GTSE1: variants seen among roughly 807,000 people sequenced by gnomAD.
The protein encoded by GTSE1 is G2 and S-phase expressed 1, also known as G2 and S phase-expressed protein 1.
Under a neutral mutation model 60.5 loss-of-function variants are expected in GTSE1, and 52 were observed. The observed-to-expected ratio is 0.86, with a 90% CI of 0.69 to 1.08. GTSE1 has a LOEUF of 1.08. GTSE1 is among the 50% of genes least tolerant of loss of function. GTSE1 has a pLI of 0.00. For synonymous variants in GTSE1, 368 were observed against 386.5 expected (o/e 0.95, Z 0.56); for missense variants, 937 against 961.8 (o/e 0.97, Z 0.34).
intron 2 of GTSE1, among the ~76,000 whole-genome samples, chr22:46,305,851 G>A (rs1051869882): frequency 6.6e-6 from 1 of 151,784 alleles, no homozygotes; most frequent in African/African-American, 2.4e-5. Flanking sequence ...AGGTTGCAGT[G>A]AGCCAAGATC....
chr22:46,329,150 G>T lies in GTSE1; in HGVS notation c.1927-208G>T. On this transcript the variant is annotated intron_variant, in intron 10 of 11. Transcript: ENST00000454366. The surrounding 1 kb of genome is among the most constrained non-coding windows in gnomAD (Gnocchi z 6.4). ...AGCAGGGTGGCAGGAGCTGGTGGCT[G>T]CTGGTGAGCGGGTATGGACAGGGAG... The T allele has an allele frequency of 1.6e-6, 1 of 634,164 alleles. No homozygotes were observed. Among genetic ancestry groups the T allele is most frequent in the African/African-American group, 1.8e-5 (1 of 54,790 alleles). 39.3% of individuals were successfully genotyped at this position (634,164 alleles called of 1,614,324 possible).
In GTSE1 at chr22:46,316,545, G is replaced by A. The variant is rs1024602262; in HGVS notation, c.1432+133G>A. ...CCAACAGTGCTTTCAGGTGTGACCCGCTGTCTTCTCGCCCACGTTGTTTTG... is the reference window on the plus strand; with the variant it reads ...CCAACAGTGCTTTCAGGTGTGACCCACTGTCTTCTCGCCCACGTTGTTTTG... On this transcript the variant is annotated intron_variant, in intron 7 of 11. Transcript: ENST00000454366. This position sits in a 1 kb window ranked among gnomAD's most constrained non-coding sequence, Gnocchi z 5.0. 3.6e-5 allele frequency: 25 copies of A among 690,516 alleles called. 2 individuals carry two copies. Among genetic ancestry groups the A allele is most frequent in the African/African-American group, 1.4e-4 (8 of 55,220 alleles). The allele number at this position is 690,516 out of a possible 1,614,324, so 42.8% of individuals were successfully genotyped here.
In GTSE1 at chr22:46,308,793, G is replaced by A. The variant is rs116016223; in HGVS notation, c.612G>A (p.Gly204=). The change falls in exon 4 of 12, where the codon GGG becomes GGA. Residue 204 remains glycine, a synonymous_variant. Transcript: ENST00000454366. ...GAQARLTRAP[G]PPHSAHALPR... is the part of the protein sequence containing the mutation. ...AGGCCCGCCTCACCCGGGCGCCGGG[G>A]CCTCCGCACTCTGCTCATGCTTTGC... 462 of 1,613,228 alleles carry A rather than the reference G, an allele frequency of 2.9e-4. No homozygotes were observed. The African/African-American group carries it at 5.5e-3, about 19-fold the overall frequency.
At position 46,308,592 on chromosome 22, in the gene GTSE1, C is replaced by G. The variant is rs2077729494; in HGVS notation, c.411C>G (p.Phe137Leu). ...CTCGGAGCCAGGGCGTGGAAAGATTCATACAGGAGTCAAAATTAAAAATAA... is the reference window on the plus strand; with the variant it reads ...CTCGGAGCCAGGGCGTGGAAAGATTGATACAGGAGTCAAAATTAAAAATAA... ...EDPRSQGVER[F>L]IQESKLKINL... The change falls in exon 4 of 12, where the codon TTC becomes TTG. Residue 137 changes from phenylalanine to leucine, a missense_variant. Physicochemically the swap from Phe to Leu is conservative, Grantham distance 22. Transcript: ENST00000454366. 4 of 1,614,144 alleles carry G rather than the reference C, an allele frequency of 2.5e-6. No homozygotes were observed. Among genetic ancestry groups the G allele is most frequent in the Non-Finnish European group, 2.5e-6 (3 of 1,180,002 alleles).
Position 46,310,686 on chromosome 22 carries a change from T to A in GTSE1, c.763-1455T>A, listed in dbSNP as rs2077743130. On this transcript the variant is annotated intron_variant, in intron 4 of 11. Coordinates refer to ENST00000454366, the MANE Select transcript of GTSE1 (RefSeq NM_016426.7). This position sits in a 1 kb window ranked among gnomAD's most constrained non-coding sequence, Gnocchi z 4.4. ...GCTCACACCTGTGATCACAGCACTT[T>A]GGGAAGCCAAGGTGGGCGAATCACC... Among the ~76,000 whole-genome samples, 1 of 152,214 alleles carries A rather than the reference T, an allele frequency of 6.6e-6. No individual in the cohort carries two copies. The highest frequency in any genetic ancestry group is 2.4e-5 in the African/African-American group (1 of 41,456).
Position 46,314,650 on chromosome 22 carries a change from T to G in GTSE1, c.1051+637T>G, listed in dbSNP as rs1363915171. Among the ~76,000 whole-genome samples the G allele has an allele frequency of 6.6e-6, 1 of 151,988 alleles. No homozygotes were observed. Among genetic ancestry groups the G allele is most frequent in the Admixed American group, 6.6e-5 (1 of 15,260 alleles). On this transcript the variant is annotated intron_variant, in intron 6 of 11. Coordinates refer to ENST00000454366, the MANE Select transcript of GTSE1 (RefSeq NM_016426.7). The surrounding 1 kb of genome is among the most constrained non-coding windows in gnomAD (Gnocchi z 7.1). ...CAGCACTTTGGCAGGCCAAGATGGG[T>G]GGATCGCTTGACCCCTGGAGTTTGA...
Position 46,326,444 on chromosome 22 carries a change from T to C in GTSE1, c.1514T>C (p.Val505Ala), listed in dbSNP as rs2077844222. ...GATGTTGTGTTTGCCAGGGTCACTGTCCACAGCACCCCGGTTAGACGCTCA... is the reference window on the plus strand; with the variant it reads ...GATGTTGTGTTTGCCAGGGTCACTGCCCACAGCACCCCGGTTAGACGCTCA... Reference protein sequence around the residue: ...QSCTSVGRVTVHSTPVRRSSG... With the variant: ...QSCTSVGRVTAHSTPVRRSSG... The change falls in exon 9 of 12, where the codon GTC becomes GCC. Residue 505 changes from valine to alanine, a missense_variant. Transcript: ENST00000454366. 1.2e-6 allele frequency: 2 copies of C among 1,604,208 alleles called. No individual in the cohort carries two copies. Among genetic ancestry groups the C allele is most frequent in the South Asian group, 1.1e-5 (1 of 90,326 alleles).
rs200240747 is a variant in GTSE1, at chr22:46,308,476, G to A, written c.295G>A (p.Val99Met). 197 of 1,614,064 alleles carry A rather than the reference G, an allele frequency of 1.2e-4. No homozygotes were observed. Among genetic ancestry groups the A allele is most frequent in the Middle Eastern group, 1.6e-4 (1 of 6,084 alleles). Reference sequence around the variant, plus strand: ...GAGCCCTCTGGCCGGGGAGAAGTTCGTGGAGGTGTACAAAGAAGCTCACTT... The same window carrying A: ...GAGCCCTCTGGCCGGGGAGAAGTTCATGGAGGTGTACAAAGAAGCTCACTT... Reference protein sequence around the residue: ...AWSPLAGEKFVEVYKEAHLLA... With the variant: ...AWSPLAGEKFMEVYKEAHLLA... The change falls in exon 4 of 12, where the codon GTG (valine) becomes ATG (methionine). Residue 99 changes from valine to methionine, a missense_variant. By Grantham distance (21) the Val-to-Met change is conservative (BLOSUM62 1). Transcript: ENST00000454366.
Position 46,316,280 on chromosome 22 carries a change from A to T in GTSE1, c.1300A>T (p.Ser434Cys). Residue 434 changes from serine (S) to cysteine (C), a missense_variant, in exon 7 of 12, where the codon AGT becomes TGT. By Grantham distance (112) the Ser-to-Cys change is moderately radical (BLOSUM62 -1). Transcript: ENST00000454366. This position sits in a 1 kb window ranked among gnomAD's most constrained non-coding sequence, Gnocchi z 5.0. ...AGGTGGCGGCCAGTGGCTGAACTCC[A>T]GTTGCGCTTGGTCAGAATCTTCTCA... ...PEGGGQWLNS[S>C]CAWSESSQLN... 1.2e-6 allele frequency: 2 copies of T among 1,613,940 alleles called. No homozygotes were observed. The highest frequency in any genetic ancestry group is 2.2e-5 in the South Asian group (2 of 91,084).
intron 5 of GTSE1, among the ~76,000 whole-genome samples, chr22:46,312,654 AAAG>A (rs1335277858): frequency 2.6e-5 from 4 of 151,680 alleles, no homozygotes; most frequent in African/African-American, 7.3e-5. Flanking sequence ...AAAAAAAAAA[AAAG>A]AGGTGGAAAA....
In GTSE1 at chr22:46,313,631, C is replaced by T. The variant is rs2077761376; in HGVS notation, c.928-259C>T. On this transcript the variant is annotated intron_variant, in intron 5 of 11. Transcript: ENST00000454366. The surrounding 1 kb of genome is among the most constrained non-coding windows in gnomAD (Gnocchi z 4.4). ...TCAAGCAATTCTCCTACCTCAGCCT[C>T]CCGAGTAGCTGGGACTACAGGTGCC... Among the ~76,000 whole-genome samples the T allele has an allele frequency of 6.6e-6, 1 of 152,178 alleles. No homozygotes were observed. Among genetic ancestry groups the T allele is most frequent in the African/African-American group, 2.4e-5 (1 of 41,450 alleles).
At position 46,313,883 on chromosome 22, in the gene GTSE1, GC is replaced by G. The variant is rs746469834; in HGVS notation, c.928-3del. ...TGCTGATTCTGTTTTTTCACATTTT[GC>G]CCCAGTTGGGGCTGAAGAAGACCCT... On this transcript the variant is annotated splice_region_variant and splice_polypyrimidine_tract_variant and intron_variant, in intron 5 of 11. Transcript: ENST00000454366. The surrounding 1 kb of genome is among the most constrained non-coding windows in gnomAD (Gnocchi z 4.4). The G allele has an allele frequency of 1.9e-6, 3 of 1,613,608 alleles. No homozygotes were observed. The South Asian group carries it at 3.3e-5, about 18-fold the overall frequency.
At chr22:46,325,437 C>A (rs1487855744) in intron 8 of GTSE1, among the ~76,000 whole-genome samples, 1 of 152,158 alleles carries the variant, frequency 6.6e-6, no homozygotes, top group East Asian at 1.9e-4. Flanking sequence ...ACCTCGTGAT[C>A]CACCCGCCTC....
chr22:46,314,230 A>G lies in GTSE1; in HGVS notation c.1051+217A>G, dbSNP rs1456627372. Reference sequence around the variant, plus strand: ...AGGGCACACTCAGATGGGTGGCTTCAGTCTACGGGGTACACATGGCCAGAA... The same window carrying G: ...AGGGCACACTCAGATGGGTGGCTTCGGTCTACGGGGTACACATGGCCAGAA... On this transcript the variant is annotated intron_variant, in intron 6 of 11. Transcript: ENST00000454366. This position sits in a 1 kb window ranked among gnomAD's most constrained non-coding sequence, Gnocchi z 7.1. Among the ~76,000 whole-genome samples, 1 of 152,224 alleles carries G rather than the reference A, an allele frequency of 6.6e-6. No homozygotes were observed. Among genetic ancestry groups the G allele is most frequent in the Non-Finnish European group, 1.5e-5 (1 of 68,052 alleles).
At chr22:46,325,249 T>G (rs1270415486) in intron 8 of GTSE1, among the ~76,000 whole-genome samples, 1 of 152,190 alleles carries the variant, frequency 6.6e-6, no homozygotes, top group Non-Finnish European at 1.5e-5. Flanking sequence ...TAGGCTGGAG[T>G]GCAGTGGCGC....
chr22:46,299,163 T>A (rs1414084131), intron 2 of GTSE1, among the ~76,000 whole-genome samples: 1 of 152,214 alleles, frequency 6.6e-6, no homozygotes, highest in Non-Finnish European at 1.5e-5. Flanking sequence ...ACGCTCTTGG[T>A]TTTTTCCTCC....
At chr22:46,311,239 G>A (rs1008241593) in intron 4 of GTSE1, among the ~76,000 whole-genome samples, 3 of 151,926 alleles carry the variant, frequency 2.0e-5, no homozygotes, top group Admixed American at 6.6e-5. Context: ...CACCACGCCC[G>A]GCTAATTTTT....
At chr22:46,323,149 G>C in intron 7 of GTSE1, 41 bp from the exon 8 acceptor site, 1 of 1,350,344 alleles carries the variant, frequency 7.4e-7, no homozygotes, top group Non-Finnish European at 1.1e-6. Context: ...GTCTCCCCCT[G>C]ATCACTTTAC....
chr22:46,314,939 A>G lies in GTSE1; in HGVS notation c.1051+926A>G, dbSNP rs922015789. Among the ~76,000 whole-genome samples, 21 of 151,684 alleles carry G rather than the reference A, an allele frequency of 1.4e-4. No homozygotes were observed. Among genetic ancestry groups the G allele is most frequent in the African/African-American group, 4.8e-4 (20 of 41,294 alleles). On this transcript the variant is annotated intron_variant, in intron 6 of 11. Transcript: ENST00000454366. This position sits in a 1 kb window ranked among gnomAD's most constrained non-coding sequence, Gnocchi z 7.1. ...GACTCTGCCATTCTGTGATTAAGAG[A>G]GGTTTGTGTCCTTATCTTTATAGAC...
Sources: gnomAD v4.1 joint callset for allele counts (sites outside exome capture counted in the v4.1 genomes callset) on GRCh38, gnomAD v4.1.1 for gene constraint, Gnocchi (gnomAD v3.1) non-coding constraint, MANE v1.5 for transcripts, NCBI Gene and HGNC (gene_info 2026-07-23, HGNC 2026-07-21) for gene names.